TGFA: variants seen among roughly 807,000 people sequenced by gnomAD.
TGFA encodes transforming growth factor alpha.
Under a neutral mutation model 21.7 loss-of-function variants are expected in TGFA, and 12 were observed. That is an observed-to-expected ratio of 0.55 (90% CI 0.35 to 0.90). The LOEUF is 0.90. TGFA is among the 40% of genes least tolerant of loss of function. The pLI, the probability that TGFA is intolerant of heterozygous loss-of-function variation, is 0.01. For missense variants in TGFA, 178 were observed against 210.8 expected (o/e 0.84, Z 0.96); for synonymous variants, 79 against 88.1 (o/e 0.90, Z 0.58).
chr2:70,524,503 G>A (rs977192966), intron 1 of TGFA, among the ~76,000 whole-genome samples: 3 of 152,212 alleles, frequency 2.0e-5, no homozygotes, highest in South Asian at 2.1e-4. Flanking sequence ...GAGTATCGCC[G>A]AGCCCTCTCG....
chr2:70,552,781 G>A (rs1416195695), intron 1 of TGFA, among the ~76,000 whole-genome samples: 1 of 152,214 alleles, frequency 6.6e-6, no homozygotes, highest in African/African-American at 2.4e-5. Flanking sequence ...CATGCTATAC[G>A]GGTTAAACTC....
intron 2 of TGFA, among the ~76,000 whole-genome samples, chr2:70,492,964 T>C (rs571181513): frequency 1.1e-4 from 16 of 152,298 alleles, no homozygotes; most frequent in African/African-American, 3.8e-4. Flanking sequence ...TTAAAACTCA[T>C]TCTCACTTAA....
chr2:70,493,124 T>C (rs1202531537), intron 2 of TGFA, among the ~76,000 whole-genome samples: 1 of 152,178 alleles, frequency 6.6e-6, no homozygotes, highest in Non-Finnish European at 1.5e-5. Flanking sequence ...AGAATGTACA[T>C]GATAAAACCC....
chr2:70,548,822 T>C (rs1429340901), intron 1 of TGFA, among the ~76,000 whole-genome samples: 2 of 152,202 alleles, frequency 1.3e-5, no homozygotes, highest in Non-Finnish European at 2.9e-5. Context: ...ACCTAGATTT[T>C]TAGTGTTATT....
intron 2 of TGFA, among the ~76,000 whole-genome samples, chr2:70,497,289 A>C (rs1300228053): frequency 6.6e-6 from 1 of 152,188 alleles, no homozygotes; most frequent in Non-Finnish European, 1.5e-5. Context: ...GATATGAGAG[A>C]TGCAGTATTG....
At chr2:70,527,547 C>T (rs1057126455) in intron 1 of TGFA, among the ~76,000 whole-genome samples, 3 of 152,172 alleles carry the variant, frequency 2.0e-5, no homozygotes, top group African/African-American at 4.8e-5. Flanking sequence ...TCTGTCCAAA[C>T]ACATAGAATG....
At chr2:70,493,313 A>G (rs556872404) in intron 2 of TGFA, among the ~76,000 whole-genome samples, 44 of 152,298 alleles carry the variant, frequency 2.9e-4, no homozygotes, top group African/African-American at 9.9e-4. Context: ...GACCGGGGGA[A>G]CCTGGGCTGT....
At chr2:70,466,744 G>T (rs1185073541) in intron 2 of TGFA, among the ~76,000 whole-genome samples, 1 of 152,160 alleles carries the variant, frequency 6.6e-6, no homozygotes, top group Non-Finnish European at 1.5e-5. Flanking sequence ...TCTGTTCGTG[G>T]CAGGCCTATT....
At chr2:70,454,405 A>C (rs1381872810) in intron 4 of TGFA, among the ~76,000 whole-genome samples, 1 of 152,244 alleles carries the variant, frequency 6.6e-6, no homozygotes, top group Non-Finnish European at 1.5e-5. Flanking sequence ...GTTACAGGTG[A>C]AAACCGGGAG....
chr2:70,494,347 T>C (rs1359748811), intron 2 of TGFA, among the ~76,000 whole-genome samples: 2 of 152,224 alleles, frequency 1.3e-5, no homozygotes, highest in African/African-American at 4.8e-5. Flanking sequence ...GAGTTGGACA[T>C]CTTTGGGGGA....
At chr2:70,457,767 C>G (rs1439791778) in intron 3 of TGFA, among the ~76,000 whole-genome samples, 1 of 152,146 alleles carries the variant, frequency 6.6e-6, no homozygotes, top group Non-Finnish European at 1.5e-5. Flanking sequence ...GTCTCGAGCT[C>G]TTGACCTCAG....
intron 1 of TGFA, among the ~76,000 whole-genome samples, chr2:70,532,220 G>A (rs1672831027): frequency 6.6e-6 from 1 of 152,196 alleles, no homozygotes; most frequent in Non-Finnish European, 1.5e-5. Context: ...AACCATTTAT[G>A]GGAGAAGCTA....
chr2:70,478,498 T>TG (rs1314249728), intron 2 of TGFA, among the ~76,000 whole-genome samples: 5 of 114,986 alleles, frequency 4.3e-5, no homozygotes, highest in Non-Finnish European at 7.6e-5. Context: ...TCGATACCAC[T>TG]GGAAAAAAAA....
chr2:70,538,610 T>C (rs1486563650), intron 1 of TGFA, among the ~76,000 whole-genome samples: 1 of 152,128 alleles, frequency 6.6e-6, no homozygotes, highest in Non-Finnish European at 1.5e-5. Flanking sequence ...GCAAGAGAAC[T>C]GGAATTAGAA....
At chr2:70,504,489 C>G (rs1465665571) in intron 2 of TGFA, among the ~76,000 whole-genome samples, 1 of 105,760 alleles carries the variant, frequency 9.5e-6, no homozygotes, top group Admixed American at 9.1e-5. Context: ...TACATACACA[C>G]ACACACACAC....
intron 1 of TGFA, among the ~76,000 whole-genome samples, chr2:70,528,903 C>T (rs1393132326): frequency 1.3e-5 from 2 of 152,170 alleles, no homozygotes; most frequent in Non-Finnish European, 2.9e-5. Flanking sequence ...TTCTTCCAGC[C>T]TCCTCTCCCT....
chr2:70,521,441 G>A (rs963459805), intron 1 of TGFA, among the ~76,000 whole-genome samples: 16 of 152,132 alleles, frequency 1.1e-4, no homozygotes, highest in African/African-American at 3.9e-4. Context: ...TTAGTTGCCT[G>A]AGCCTCAGTT....
Position 70,449,628 on chromosome 2 carries a change from G to A in TGFA, c.*1231C>T. Reference sequence around the variant, plus strand: ...TGTTAATAAAGCCGGCATCCTGAATGGAAATGAGGAAAAAAAAATTACTGG... The same window carrying A: ...TGTTAATAAAGCCGGCATCCTGAATAGAAATGAGGAAAAAAAAATTACTGG... On this transcript the variant is annotated 3_prime_UTR_variant, in exon 6 of 6. Coordinates refer to ENST00000295400, the MANE Select transcript of TGFA (RefSeq NM_003236.4). 1 of 253,036 alleles carries A rather than the reference G, an allele frequency of 4.0e-6. No individual in the cohort carries two copies. Among genetic ancestry groups the A allele is most frequent in the Non-Finnish European group, 8.3e-6 (1 of 120,610 alleles). 15.7% of individuals were successfully genotyped at this position (253,036 alleles called of 1,614,324 possible).
chr2:70,552,226 A>T (rs1673533415), intron 1 of TGFA, among the ~76,000 whole-genome samples: 1 of 152,172 alleles, frequency 6.6e-6, no homozygotes, highest in Non-Finnish European at 1.5e-5. Context: ...TAATGAGAAT[A>T]ATATTAACAC....
Sources: allele counts gnomAD v4.1 joint callset (sites outside exome capture counted in the v4.1 genomes callset), GRCh38; gene constraint gnomAD v4.1.1; transcripts MANE v1.5; gene names NCBI Gene and HGNC (gene_info 2026-07-23, HGNC 2026-07-21).